Variants in SPATA6 observed in about 807,000 individuals in gnomAD.
The protein encoded by SPATA6 is spermatogenesis associated 6, also known as spermatogenesis-associated protein 6.
SPATA6 carries 56 observed loss-of-function variants against 65.3 expected under a neutral mutation model. That is an observed-to-expected ratio of 0.86 (90% CI 0.69 to 1.07). The LOEUF (loss-of-function observed/expected upper bound fraction) is 1.07, where lower values mean the gene tolerates loss of function less well. Ranked by LOEUF, SPATA6 falls within the 50% of genes least tolerant of loss-of-function variation. The pLI, the probability that SPATA6 is intolerant of heterozygous loss-of-function variation, is 0.00. For synonymous variants in SPATA6, 199 were observed against 213.2 expected, an observed-to-expected ratio of 0.93 and a Z score of 0.58; for missense variants, 590 against 594.8, an observed-to-expected ratio of 0.99 and a Z score of 0.08.
chr1:48,439,481 A>G (rs752420343), intron 3 of SPATA6, among the ~76,000 whole-genome samples: 84 of 150,088 alleles, frequency 5.6e-4, no homozygotes, highest in Admixed American at 1.1e-3. Context: ...GGCAAGAGTG[A>G]TTTCTGCTGC....
chr1:48,308,508 C>T (rs1023115404), intron 11 of SPATA6, among the ~76,000 whole-genome samples: 1 of 151,980 alleles, frequency 6.6e-6, no homozygotes, highest in Non-Finnish European at 1.5e-5. Flanking sequence ...TGTATTTAGC[C>T]TATCTTTTAT....
At chr1:48,390,352 G>A (rs1380422340) in intron 8 of SPATA6, among the ~76,000 whole-genome samples, 3 of 152,120 alleles carry the variant, frequency 2.0e-5, no homozygotes, top group African/African-American at 4.8e-5. Flanking sequence ...CTCATATGTG[G>A]AAGCTAAAAA....
intron 11 of SPATA6, among the ~76,000 whole-genome samples, chr1:48,317,921 A>C (rs1308482343): frequency 1.3e-5 from 2 of 152,206 alleles, no homozygotes; most frequent in Non-Finnish European, 2.9e-5. Flanking sequence ...AAATACTAGC[A>C]AGCCAAATCC....
At chr1:48,333,327 G>A (rs1020055354) in intron 11 of SPATA6, among the ~76,000 whole-genome samples, 7 of 152,178 alleles carry the variant, frequency 4.6e-5, no homozygotes, top group Non-Finnish European at 7.3e-5. Flanking sequence ...ATATACACCA[G>A]TGGTTTGTCA....
At chr1:48,375,492 A>G (rs1647782573) in intron 9 of SPATA6, among the ~76,000 whole-genome samples, 1 of 152,068 alleles carries the variant, frequency 6.6e-6, no homozygotes, top group Non-Finnish European at 1.5e-5. Context: ...CACTTGTCAA[A>G]ATATCATGAA....
At chr1:48,395,142 G>T in intron 8 of SPATA6, 125 bp downstream of exon 8, 1 of 581,034 alleles carries the variant, frequency 1.7e-6, no homozygotes, top group Non-Finnish European at 2.6e-6. Context: ...GTTGTAAAAA[G>T]CTACATTATA....
chr1:48,280,704 C>A, the SPATA6 span, among the ~76,000 whole-genome samples: 4 of 152,052 alleles, frequency 2.6e-5, no homozygotes, highest in Non-Finnish European at 5.9e-5. Context: ...GCTTACCAAC[C>A]AAAGAGAGTC....
At chr1:48,287,423 T>TC in the SPATA6 span, among the ~76,000 whole-genome samples, 1 of 152,210 alleles carries the variant, frequency 6.6e-6, no homozygotes, top group Non-Finnish European at 1.5e-5. Flanking sequence ...TTCATGTTTG[T>TC]CCCCTCCAAA....
At chr1:48,448,459 C>T (rs923533619) in intron 3 of SPATA6, among the ~76,000 whole-genome samples, 3 of 149,560 alleles carry the variant, frequency 2.0e-5, no homozygotes, top group African/African-American at 4.9e-5. Context: ...AATGCAGGCA[C>T]ACAACAAACA....
intron 1 of SPATA6, 110 bp downstream of exon 1, chr1:48,471,848 G>A: frequency 7.7e-7 from 1 of 1,305,324 alleles, no homozygotes; most frequent in Non-Finnish European, 1.1e-6. Flanking sequence ...ACGCTCCCTA[G>A]GGATGATTCG....
At chr1:48,471,371 G>A (rs1418528140) in intron 1 of SPATA6, among the ~76,000 whole-genome samples, 1 of 152,214 alleles carries the variant, frequency 6.6e-6, no homozygotes, top group Non-Finnish European at 1.5e-5. Context: ...GATTTCTGAG[G>A]AGTTGGGTTT....
At chr1:48,269,088 A>G in the SPATA6 span, among the ~76,000 whole-genome samples, 1 of 152,198 alleles carries the variant, frequency 6.6e-6, no homozygotes, top group Non-Finnish European at 1.5e-5. Flanking sequence ...TAAATTAAAT[A>G]ACTAGTAAAT....
chr1:48,281,268 T>C, the SPATA6 span, among the ~76,000 whole-genome samples: 5 of 151,050 alleles, frequency 3.3e-5, no homozygotes, highest in East Asian at 3.9e-4. Context: ...CTTTGAAAAC[T>C]GGCACAAGAC....
At chr1:48,269,423 T>C in the SPATA6 span, among the ~76,000 whole-genome samples, 1 of 152,180 alleles carries the variant, frequency 6.6e-6, no homozygotes, top group South Asian at 2.1e-4. Flanking sequence ...ATTTAGAGAA[T>C]GAAATCCAGG....
chr1:48,311,087 A>AG (rs1181711754), intron 11 of SPATA6, among the ~76,000 whole-genome samples: 3 of 152,172 alleles, frequency 2.0e-5, no homozygotes, highest in Admixed American at 2.0e-4. Context: ...GTGCTTCTAG[A>AG]GGAACATGGC....
At chr1:48,309,548 A>C (rs1645147092) in intron 11 of SPATA6, among the ~76,000 whole-genome samples, 1 of 152,096 alleles carries the variant, frequency 6.6e-6, no homozygotes, top group African/African-American at 2.4e-5. Context: ...CTAACACTTT[A>C]TTTCTTTATA....
chr1:48,353,190 T>C (rs1057316821), intron 11 of SPATA6, among the ~76,000 whole-genome samples: 3 of 151,890 alleles, frequency 2.0e-5, no homozygotes, highest in African/African-American at 7.2e-5. Flanking sequence ...AGAATTAAGA[T>C]GCCTGATAAT....
chr1:48,326,889 T>A (rs12128930), intron 11 of SPATA6, among the ~76,000 whole-genome samples: 11,790 of 152,070 alleles, frequency 0.078, 617 homozygotes, highest in East Asian at 0.23. Context: ...TACCTGAAAC[T>A]ATAAAAAGCC....
intron 11 of SPATA6, among the ~76,000 whole-genome samples, chr1:48,335,104 A>G (rs1413360145): frequency 6.6e-6 from 1 of 152,040 alleles, no homozygotes; most frequent in Non-Finnish European, 1.5e-5. Flanking sequence ...TAGAATGACA[A>G]TTACAAAACT....
Sources: allele counts gnomAD v4.1 joint callset (sites outside exome capture counted in the v4.1 genomes callset), GRCh38; gene constraint gnomAD v4.1.1; transcripts MANE v1.5; gene names NCBI Gene and HGNC (gene_info 2026-07-23, HGNC 2026-07-21).